TENM3: variants seen among roughly 807,000 people sequenced by gnomAD.
TENM3 encodes the protein teneurin transmembrane protein 3.
Under a neutral mutation model 255.1 loss-of-function variants are expected in TENM3, and 63 were observed. The ratio of observed to expected loss-of-function variants is 0.25; its 90% CI spans 0.20 to 0.30. TENM3 has a LOEUF of 0.30. TENM3 is among the 10% of genes least tolerant of loss of function. The pLI, the probability that TENM3 is intolerant of heterozygous loss-of-function variation, is 1.00. For missense variants in TENM3, 2,929 were observed against 3,461.1 expected (o/e 0.85, Z 3.86); for synonymous variants, 1,306 against 1,322.3 (o/e 0.99, Z 0.27).
intron 2 of TENM3, among the ~76,000 whole-genome samples, chr4:182,327,177 G>A (rs1763468070): frequency 6.6e-6 from 1 of 152,126 alleles, no homozygotes; most frequent in African/African-American, 2.4e-5. Flanking sequence ...TATGCTATGG[G>A]ATTAATTATT....
At chr4:182,318,942 T>C (rs574805757) in intron 1 of TENM3, among the ~76,000 whole-genome samples, 2 of 152,014 alleles carry the variant, frequency 1.3e-5, no homozygotes, top group African/African-American at 4.8e-5. Context: ...TAATTTTTGA[T>C]TTTTTTATAG....
chr4:181,801,233 CTGTTTTT>C, the TENM3 span, among the ~76,000 whole-genome samples: 65,611 of 151,252 alleles, frequency 0.43, 14,816 homozygotes, highest in Non-Finnish European at 0.49. Flanking sequence ...CTCATTTTTT[CTGTTTTT>C]TGTTTGTTTG....
intron 12 of TENM3, among the ~76,000 whole-genome samples, chr4:182,701,210 CTTTTTTT>C (rs35538818): frequency 5.4e-4 from 21 of 38,664 alleles, no homozygotes; most frequent in Admixed American, 1.3e-3. Flanking sequence ...CAACTCTTGA[CTTTTTTT>C]TTTTTTTTTT....
rs574705898 is a variant in TENM3, at chr4:182,277,656, T to C, written c.-76+34180T>C. On this transcript the variant is annotated intron_variant, in intron 1 of 27. Coordinates refer to ENST00000511685, the MANE Select transcript of TENM3 (RefSeq NM_001080477.4). ...AGTGAATTATCTAAGCAGTACGGCG[T>C]TGCCTTATGAAGGGATGACAAAATA... 2.0e-5 allele frequency among the ~76,000 whole-genome samples: 3 copies of C among 152,322 alleles called. No individual in the cohort carries two copies. In the East Asian group the frequency reaches 5.8e-4, roughly 29 times the overall value.
rs773677687 is a variant in TENM3 at position 182,753,558 on chromosome 4, C to T, written c.3971C>T (p.Thr1324Ile). Reference sequence around the variant, plus strand: ...ACTCTTCTGGGCTCTAACGATTTGACTTCAGCCAGACCTTTAACTTGTGAC... The same window carrying T: ...ACTCTTCTGGGCTCTAACGATTTGATTTCAGCCAGACCTTTAACTTGTGAC... Reference protein sequence around the residue: ...ISTLLGSNDLTSARPLTCDTS... With the variant: ...ISTLLGSNDLISARPLTCDTS... Residue 1324 changes from threonine to isoleucine, a missense_variant, in exon 21 of 28, where the codon ACT becomes ATT. Physicochemically the swap from Thr to Ile is moderately conservative, Grantham distance 89. This residue lies in a region of TENM3 where 1,608 missense variants were observed against 1,884.4 expected (regional missense o/e 0.85). Coordinates refer to ENST00000511685, the MANE Select transcript of TENM3 (RefSeq NM_001080477.4). The T allele has an allele frequency of 1.2e-6, 2 of 1,613,864 alleles. No homozygotes were observed. The highest frequency in any genetic ancestry group is 2.7e-5 in the African/African-American group (2 of 74,928).
intron 12 of TENM3, among the ~76,000 whole-genome samples, chr4:182,688,579 T>A (rs1177083332): frequency 6.6e-6 from 1 of 152,242 alleles, no homozygotes; most frequent in Admixed American, 6.5e-5. Context: ...CATTGGTTTT[T>A]GGGACGGCCA....
chr4:182,250,197 C>T (rs998313245), intron 1 of TENM3, among the ~76,000 whole-genome samples: 56 of 151,684 alleles, frequency 3.7e-4, no homozygotes, highest in African/African-American at 1.3e-3. Context: ...GGACCACAGG[C>T]GCCCGCCACC....
chr4:181,629,137 G>A, the TENM3 span, among the ~76,000 whole-genome samples: 1 of 152,210 alleles, frequency 6.6e-6, no homozygotes, highest in Non-Finnish European at 1.5e-5. Context: ...CTCTCTGTTT[G>A]TCTGTTATTT....
At chr4:182,193,082 G>T (rs554571179) in intron 1 of TENM3, among the ~76,000 whole-genome samples, 62 of 152,250 alleles carry the variant, frequency 4.1e-4, no homozygotes, top group African/African-American at 1.4e-3. Flanking sequence ...GTTAAGGTAA[G>T]CATTGTGTAT....
intron 3 of TENM3, among the ~76,000 whole-genome samples, chr4:182,363,443 A>G (rs966314719): frequency 2.0e-5 from 3 of 151,970 alleles, no homozygotes; most frequent in African/African-American, 7.2e-5. Context: ...ATGCATGTTT[A>G]TAGTCTTTGC....
intron 1 of TENM3, among the ~76,000 whole-genome samples, chr4:182,294,134 TA>T (rs554343604): frequency 5.5e-4 from 81 of 147,794 alleles, no homozygotes; most frequent in Middle Eastern, 3.5e-3. Context: ...TTGGCTGAGT[TA>T]AAAAAAAAAA....
chr4:182,620,488 T>G (rs1750014296), intron 4 of TENM3, among the ~76,000 whole-genome samples: 1 of 152,220 alleles, frequency 6.6e-6, no homozygotes, highest in Admixed American at 6.5e-5. Flanking sequence ...AAATATTCTC[T>G]GCTATAGAAA....
chr4:181,450,058 T>A, the TENM3 span, among the ~76,000 whole-genome samples: 2 of 152,292 alleles, frequency 1.3e-5, no homozygotes, highest in African/African-American at 4.8e-5. Context: ...ATGATGCATT[T>A]AAATGTTATC....
At chr4:181,522,519 T>A in the TENM3 span, 4 of 303,958 alleles carry the variant, frequency 1.3e-5, no homozygotes, top group South Asian at 1.5e-4. Context: ...TTCATTAAGG[T>A]TAGAAATGTA....
the TENM3 span, among the ~76,000 whole-genome samples, chr4:182,043,411 A>G: frequency 6.6e-6 from 1 of 152,172 alleles, no homozygotes; most frequent in Non-Finnish European, 1.5e-5. Context: ...TTTTTGCACT[A>G]TATTTTGTAC....
chr4:182,084,550 A>T, the TENM3 span, among the ~76,000 whole-genome samples: 1 of 152,206 alleles, frequency 6.6e-6, no homozygotes, highest in Non-Finnish European at 1.5e-5. Flanking sequence ...CTCTTTTAGA[A>T]TATAAGCTAC....
intron 1 of TENM3, among the ~76,000 whole-genome samples, chr4:182,157,336 T>G (rs1750785478): frequency 6.6e-6 from 1 of 152,158 alleles, no homozygotes; most frequent in Non-Finnish European, 1.5e-5. Flanking sequence ...AGCTGACCAT[T>G]TGCCTCCTTC....
At chr4:181,843,628 T>C in the TENM3 span, among the ~76,000 whole-genome samples, 3 of 152,000 alleles carry the variant, frequency 2.0e-5, no homozygotes, top group African/African-American at 7.2e-5. Flanking sequence ...GGAGACTGGG[T>C]AGTTTATAAA....
chr4:182,223,244 C>T (rs1433561860), intron 1 of TENM3, among the ~76,000 whole-genome samples: 2 of 152,154 alleles, frequency 1.3e-5, no homozygotes, highest in Non-Finnish European at 2.9e-5. Flanking sequence ...CTGTCTACTC[C>T]TACCTCATCT....
Sources: allele counts gnomAD v4.1 joint callset (sites outside exome capture counted in the v4.1 genomes callset), GRCh38; gene constraint gnomAD v4.1.1; regional missense constraint gnomAD v4.1.1; transcripts MANE v1.5; gene names NCBI Gene and HGNC (gene_info 2026-07-23, HGNC 2026-07-21).